The following AP3S1 variants were observed in gnomAD, a reference collection of about 807,000 sequenced individuals.
The protein encoded by AP3S1 is adaptor related protein complex 3 subunit sigma 1.
A neutral mutation model predicts 21.3 loss-of-function variants in AP3S1; 12 were observed. The ratio of observed to expected loss-of-function variants is 0.56; its 90% CI spans 0.36 to 0.91. AP3S1 has a LOEUF of 0.91. AP3S1 is among the 40% of genes least tolerant of loss of function. The probability of loss-of-function intolerance (pLI) is 0.01; values close to 1 mark genes in which losing one functional copy is unlikely to be tolerated. For synonymous variants in AP3S1, 48 were observed against 78.4 expected, an observed-to-expected ratio of 0.61 and a Z score of 2.05; for missense variants, 116 against 225.0, an observed-to-expected ratio of 0.52 and a Z score of 3.10.
rs190487453 is a variant in AP3S1 at position 115,877,583 on chromosome 5, C to A, written c.273+7455C>A. ...CCATGGTGTATGTGTGCCACATTTTCTTTATCTACTCTATCACTGATGGGC... is the reference window on the plus strand; with the variant it reads ...CCATGGTGTATGTGTGCCACATTTTATTTATCTACTCTATCACTGATGGGC... On this transcript the variant is annotated intron_variant, in intron 3 of 5. Transcript: ENST00000316788. Among the ~76,000 whole-genome samples the A allele has an allele frequency of 9.3e-3, 1,416 of 152,342 alleles. 11 individuals carry two copies. The highest frequency in any genetic ancestry group is 0.015 in the Non-Finnish European group (1,049 of 68,038).
At chr5:115,846,087 A>T (rs2112764862) in intron 1 of AP3S1, among the ~76,000 whole-genome samples, 1 of 152,266 alleles carries the variant, frequency 6.6e-6, no homozygotes, top group East Asian at 1.9e-4. Flanking sequence ...TATTTTATAA[A>T]CTAAATATAT....
chr5:115,875,912 A>G (rs78770395), intron 3 of AP3S1, among the ~76,000 whole-genome samples: 5,297 of 152,284 alleles, frequency 0.035, 332 homozygotes, highest in African/African-American at 0.12. Flanking sequence ...GATTTCCAGC[A>G]ATTGCAAATA....
chr5:115,872,776 CTTTG>C (rs1448508486), intron 3 of AP3S1, among the ~76,000 whole-genome samples: 1 of 152,110 alleles, frequency 6.6e-6, no homozygotes, highest in Admixed American at 6.6e-5. Context: ...TGCCTTGTAA[CTTTG>C]TTTATTCTTA....
chr5:115,846,572 T>A (rs1349439676), intron 1 of AP3S1, among the ~76,000 whole-genome samples: 4 of 151,310 alleles, frequency 2.6e-5, no homozygotes, highest in African/African-American at 7.3e-5. Flanking sequence ...TTTTTTTTTT[T>A]AAATCTTAAC....
rs1419131243 is a variant in AP3S1, at chr5:115,913,875, T to G, written c.*385T>G. 1 of 160,644 alleles carries G rather than the reference T, an allele frequency of 6.2e-6. No individual in the cohort carries two copies. The highest frequency in any genetic ancestry group is 1.4e-5 in the Non-Finnish European group (1 of 73,652). 10.0% of individuals were successfully genotyped at this position (160,644 alleles called of 1,614,324 possible). On this transcript the variant is annotated 3_prime_UTR_variant, in exon 6 of 6. Transcript: ENST00000316788. ...AAGTGCAGCATTCCTTAATTCCTTC[T>G]GCTATATGTCACACAGTTGTTATTT...
At chr5:115,845,566 G>A (rs1761993816) in intron 1 of AP3S1, among the ~76,000 whole-genome samples, 2 of 152,168 alleles carry the variant, frequency 1.3e-5, no homozygotes, top group Non-Finnish European at 2.9e-5. Flanking sequence ...GGGTGCCATG[G>A]CTCATGCCTG....
intron 3 of AP3S1, among the ~76,000 whole-genome samples, chr5:115,892,648 A>G (rs1210696017): frequency 6.6e-6 from 1 of 152,170 alleles, no homozygotes; most frequent in Non-Finnish European, 1.5e-5. Flanking sequence ...GATAGTTGCT[A>G]GAGACTTGGA....
chr5:115,853,131 C>G (rs942668589), intron 1 of AP3S1: 4 of 369,164 alleles, frequency 1.1e-5, no homozygotes, highest in African/African-American at 8.5e-5. Flanking sequence ...TCCTAACCAA[C>G]TCTTGTTATT....
intron 1 of AP3S1, among the ~76,000 whole-genome samples, chr5:115,843,744 G>C (rs965746835): frequency 6.6e-6 from 1 of 152,208 alleles, no homozygotes; most frequent in African/African-American, 2.4e-5. Context: ...GCTAATCCAT[G>C]TAATCGGTGT....
At position 115,866,652 on chromosome 5, in the gene AP3S1, T is replaced by C. The variant is rs764865785; in HGVS notation, c.70-18T>C. 3.9e-6 allele frequency: 6 copies of C among 1,534,306 alleles called. No individual in the cohort carries two copies. Among genetic ancestry groups the C allele is most frequent in the Non-Finnish European group, 4.5e-6 (5 of 1,119,246 alleles). On this transcript the variant is annotated intron_variant, in intron 1 of 5. Coordinates refer to ENST00000316788, the MANE Select transcript of AP3S1 (RefSeq NM_001284.4). The stretch of plus-strand genomic sequence containing the variant: ...CCTATACACTCCATCCTAATATATA[T>C]GAATTATTCTTCCTCAGAGTGAAGA...
chr5:115,864,992 A>G (rs76451004), intron 1 of AP3S1, among the ~76,000 whole-genome samples: 4,574 of 152,204 alleles, frequency 0.03, 254 homozygotes, highest in African/African-American at 0.1. Context: ...AACAAGGATT[A>G]GTACTGTATA....
intron 3 of AP3S1, among the ~76,000 whole-genome samples, chr5:115,875,118 A>C (rs557501684): frequency 6.6e-6 from 1 of 152,348 alleles, no homozygotes; most frequent in South Asian, 2.1e-4. Flanking sequence ...TTATTTTGTT[A>C]GTACACAAAC....
intron 5 of AP3S1, among the ~76,000 whole-genome samples, chr5:115,908,157 G>T (rs1165008679): frequency 1.3e-5 from 2 of 152,018 alleles, no homozygotes; most frequent in Non-Finnish European, 2.9e-5. Context: ...CAAAACTGGG[G>T]TACCGTTTTT....
chr5:115,870,576 A>G (rs1309051727), intron 3 of AP3S1, among the ~76,000 whole-genome samples: 6 of 152,070 alleles, frequency 3.9e-5, no homozygotes. Flanking sequence ...ACTACGTGCA[A>G]CCCTTTGAAG....
chr5:115,895,499 T>TATC (rs1399040735), intron 4 of AP3S1, among the ~76,000 whole-genome samples: 2 of 151,840 alleles, frequency 1.3e-5, no homozygotes, highest in Admixed American at 6.6e-5. Flanking sequence ...TTAGTAGATA[T>TATC]ATCATACATA....
chr5:115,901,648 G>A (rs1013651823), intron 4 of AP3S1, among the ~76,000 whole-genome samples: 12 of 151,422 alleles, frequency 7.9e-5, no homozygotes, highest in South Asian at 4.2e-4. Flanking sequence ...TCCACTTCCC[G>A]GGCTCAGGCA....
intron 3 of AP3S1, among the ~76,000 whole-genome samples, chr5:115,880,734 A>C (rs917158639): frequency 6.6e-6 from 1 of 152,172 alleles, no homozygotes; most frequent in Non-Finnish European, 1.5e-5. Context: ...TCCACAGCTG[A>C]GTTGAAGTTC....
chr5:115,860,836 T>G (rs1196092186), intron 1 of AP3S1, among the ~76,000 whole-genome samples: 1 of 152,220 alleles, frequency 6.6e-6, no homozygotes, highest in Admixed American at 6.5e-5. Context: ...GTGTTTAATT[T>G]ACCATCTTAA....
chr5:115,884,044 G>T (rs972226683), intron 3 of AP3S1, among the ~76,000 whole-genome samples: 3 of 152,118 alleles, frequency 2.0e-5, no homozygotes, highest in Non-Finnish European at 2.9e-5. Context: ...TCACTTTGCA[G>T]ATTACCATGG....
Sources: allele counts gnomAD v4.1 joint callset (sites outside exome capture counted in the v4.1 genomes callset), GRCh38; gene constraint gnomAD v4.1.1; transcripts MANE v1.5; gene names NCBI Gene and HGNC (gene_info 2026-07-23, HGNC 2026-07-21).